The following DMD variants were observed in gnomAD, a reference collection of about 807,000 sequenced individuals.
DMD encodes the protein dystrophin.
Under a neutral mutation model 330.1 loss-of-function variants are expected in DMD, and 63 were observed. The ratio of observed to expected loss-of-function variants is 0.19; its 90% CI spans 0.16 to 0.24. DMD has a LOEUF of 0.24. DMD is among the 10% of genes least tolerant of loss of function. DMD has a pLI of 1.00. For synonymous variants in DMD, 1,223 were observed against 959.8 expected, an observed-to-expected ratio of 1.27 and a Z score of -5.07; for missense variants, 3,344 against 2,684.1, an observed-to-expected ratio of 1.25 and a Z score of -5.43.
intron 55 of DMD, among the ~76,000 whole-genome samples, chrX:31,539,120 T>A (rs1456709720): frequency 2.7e-5 from 3 of 111,896 alleles, no homozygotes; most frequent in African/African-American, 9.7e-5. Flanking sequence ...ATGTGCTAAC[T>A]CTCATTAGTG....
intron 18 of DMD, among the ~76,000 whole-genome samples, chrX:32,506,017 G>T (rs2044580656): frequency 8.9e-6 from 1 of 112,184 alleles, no homozygotes; most frequent in Non-Finnish European, 1.9e-5. Flanking sequence ...TAGAGATTAG[G>T]AGAGAAGTGT....
intron 44 of DMD, among the ~76,000 whole-genome samples, chrX:32,192,237 CAT>C (rs950740232): frequency 4.5e-5 from 5 of 111,755 alleles, no homozygotes; most frequent in African/African-American, 1.6e-4. Context: ...AGTCTTAACT[CAT>C]AGTTCCTTCT....
chrX:31,729,191 C>T (rs73210155), intron 52 of DMD, among the ~76,000 whole-genome samples: 10,660 of 111,196 alleles, frequency 0.096, 431 homozygotes, highest in Non-Finnish European at 0.12. Flanking sequence ...ATCAAAGTAG[C>T]GGAGAGATAT....
chrX:33,248,594 T>C lies in DMD; in HGVS notation c.7+90665A>G, dbSNP rs1346866172. Among the ~76,000 whole-genome samples, 3 of 111,894 alleles carry C rather than the reference T, an allele frequency of 2.7e-5. No homozygotes were observed. In the Admixed American group the frequency reaches 2.9e-4, roughly 11 times the overall value. ...TCTGAAAATTAGAAAGTGACATTCA[T>C]GAATGTAGTTATTAAAAAATACTCT... On this transcript the variant is annotated intron_variant, in intron 1 of 17. Coordinates refer to the DMD transcript ENST00000288447.
chrX:31,759,039 C>A (rs1223312023), intron 51 of DMD, among the ~76,000 whole-genome samples: 1 of 111,466 alleles, frequency 9.0e-6, no homozygotes, highest in Non-Finnish European at 1.9e-5. Flanking sequence ...TAGAATAGAT[C>A]CTAAAATTTG....
chrX:31,362,811 A>G (rs1026935406), intron 60 of DMD, among the ~76,000 whole-genome samples: 1 of 112,176 alleles, frequency 8.9e-6, no homozygotes, highest in Non-Finnish European at 1.9e-5. Flanking sequence ...TTAGCCGGGC[A>G]TGGTGGCGGG....
chrX:32,153,381 G>A (rs1317258651), intron 44 of DMD, among the ~76,000 whole-genome samples: 2 of 110,918 alleles, frequency 1.8e-5, no homozygotes, highest in Non-Finnish European at 3.8e-5. Flanking sequence ...ATAATATACA[G>A]GGGTACACAG....
chrX:33,287,993 G>A (rs929733859), intron 1 of DMD, among the ~76,000 whole-genome samples: 5 of 111,702 alleles, frequency 4.5e-5, no homozygotes, highest in Admixed American at 3.8e-4. Flanking sequence ...CCGCAAAAGT[G>A]AAAGAGCCTC....
chrX:32,338,424 G>C (rs1418216367), intron 41 of DMD, among the ~76,000 whole-genome samples: 1 of 110,343 alleles, frequency 9.1e-6, no homozygotes, highest in Admixed American at 9.7e-5. Context: ...GCAGATGTTT[G>C]AGGGATTAAT....
chrX:31,941,910 G>A (rs1367822850), intron 45 of DMD, among the ~76,000 whole-genome samples: 2 of 111,726 alleles, frequency 1.8e-5, no homozygotes, highest in Admixed American at 9.5e-5. Flanking sequence ...TGTATACCAC[G>A]TTTATTTCAT....
chrX:31,275,271 T>A (rs1005411581), intron 62 of DMD, among the ~76,000 whole-genome samples: 5 of 110,510 alleles, frequency 4.5e-5, no homozygotes, highest in African/African-American at 1.6e-4. Context: ...CTCATATTAA[T>A]AATTTACTAA....
intron 7 of DMD, among the ~76,000 whole-genome samples, chrX:32,729,782 C>T (rs2148012959): frequency 9.0e-6 from 1 of 111,694 alleles, no homozygotes; most frequent in South Asian, 3.7e-4. Flanking sequence ...GTGTGTTATT[C>T]TTTTGACTTT....
chrX:33,330,315 C>G (rs2054152707), intron 1 of DMD, among the ~76,000 whole-genome samples: 1 of 111,239 alleles, frequency 9.0e-6, no homozygotes, highest in Admixed American at 9.6e-5. Flanking sequence ...TTGGATAAAA[C>G]CTTACGGATT....
intron 63 of DMD, among the ~76,000 whole-genome samples, chrX:31,240,718 G>C (rs1324265732): frequency 3.6e-5 from 4 of 111,076 alleles, no homozygotes; most frequent in South Asian, 3.8e-4. Flanking sequence ...AAATTCTCAG[G>C]TTATCATTTA....
At chrX:32,159,023 A>C (rs1333925318) in intron 44 of DMD, among the ~76,000 whole-genome samples, 1 of 112,364 alleles carries the variant, frequency 8.9e-6, no homozygotes. Context: ...TTGGCTAGAA[A>C]TCTTCACTGT....
chrX:31,384,276 C>T (rs901170420), intron 60 of DMD, among the ~76,000 whole-genome samples: 2 of 110,298 alleles, frequency 1.8e-5, no homozygotes, highest in East Asian at 2.9e-4. Context: ...GTCCAGTTCC[C>T]GCCCGCGAGG....
intron 1 of DMD, among the ~76,000 whole-genome samples, chrX:33,311,354 A>G (rs2053846922): frequency 9.1e-6 from 1 of 110,386 alleles, no homozygotes; most frequent in East Asian, 2.8e-4. Flanking sequence ...TATAATATAT[A>G]TACACCTGTC....
intron 7 of DMD, among the ~76,000 whole-genome samples, chrX:32,700,777 T>C (rs1382052955): frequency 9.0e-6 from 1 of 111,465 alleles, no homozygotes; most frequent in East Asian, 2.8e-4. Context: ...TTCCTTGCCA[T>C]ACAATTTATC....
chrX:33,014,748 T>C (rs1602719143), intron 2 of DMD, among the ~76,000 whole-genome samples: 1 of 108,488 alleles, frequency 9.2e-6, no homozygotes, highest in East Asian at 3.0e-4. Flanking sequence ...TAGAAAAAAA[T>C]TCATAAATAT....
Sources: allele counts gnomAD v4.1 joint callset (sites outside exome capture counted in the v4.1 genomes callset), GRCh38; gene constraint gnomAD v4.1.1; transcripts MANE v1.5; gene names NCBI Gene and HGNC (gene_info 2026-07-23, HGNC 2026-07-21).